The following ASGR1 variants were observed in gnomAD, a reference collection of about 807,000 sequenced individuals.
The protein encoded by ASGR1 is C-type lectin domain family 4 member H1.
In ASGR1, 35 loss-of-function variants were observed where a neutral mutation model predicts 33.1. That is an observed-to-expected ratio of 1.06 (90% CI 0.81 to 1.40). The LOEUF (loss-of-function observed/expected upper bound fraction) is 1.40, where lower values mean the gene tolerates loss of function less well. Among genes scored for constraint, ASGR1 ranks in the 40% most tolerant of loss-of-function variants. The pLI, the probability that ASGR1 is intolerant of heterozygous loss-of-function variation, is 0.00. For missense variants in ASGR1, 396 were observed against 373.7 expected (o/e 1.06, Z -0.49); for synonymous variants, 142 against 152.5 (o/e 0.93, Z 0.51).
intron 5 of ASGR1, among the ~76,000 whole-genome samples, chr17:7,175,543 GCA>G (rs1447378276): frequency 6.7e-6 from 1 of 150,362 alleles, no homozygotes; most frequent in Non-Finnish European, 1.5e-5. Flanking sequence ...CACACACAAT[GCA>G]CATTCACACA....
chr17:7,178,617 G>A, intron 1 of ASGR1, 29 bp from the exon 2 acceptor site: 1 of 1,545,744 alleles, frequency 6.5e-7, no homozygotes, highest in Non-Finnish European at 8.9e-7. Flanking sequence ...TGGGGCTGAG[G>A]TGGGGGCTCA....
intron 5 of ASGR1, chr17:7,176,527 C>CCACA (rs57702147): frequency 0.31 from 128,985 of 413,480 alleles, 20,441 homozygotes; most frequent in East Asian, 0.45. Flanking sequence ...CCTCTCATTC[C>CCACA]CACACACACA....
rs769285748 is a variant in ASGR1, at chr17:7,174,228, G to T, written c.504C>A (p.Phe168Leu). The T allele has an allele frequency of 3.1e-6, 5 of 1,614,104 alleles. No individual in the cohort carries two copies. The Admixed American group carries it at 6.7e-5, about 22-fold the overall frequency. ...CAGCCCAGGCCTTCCCGGAGCGAGAGAACCAGTAGCAGCTGCGCTCGTGCT... is the reference window on the plus strand; with the variant it reads ...CAGCCCAGGCCTTCCCGGAGCGAGATAACCAGTAGCAGCTGCGCTCGTGCT... ...WVEHERSCYWFSRSGKAWADA... is the reference protein window; with the variant it reads ...WVEHERSCYWLSRSGKAWADA... Residue 168 changes from phenylalanine (F) to leucine (L), a missense_variant, in exon 7 of 9, where the codon TTC (phenylalanine) becomes TTA (leucine). Phe to Leu is a conservative substitution (Grantham distance 22). Coordinates refer to ENST00000269299, the MANE Select transcript of ASGR1 (RefSeq NM_001671.5).
intron 5 of ASGR1, among the ~76,000 whole-genome samples, chr17:7,176,413 ACAGACACACTCCGTCATTCTCACACT>A (rs2069209348): frequency 6.9e-6 from 1 of 145,968 alleles, no homozygotes; most frequent in African/African-American, 2.6e-5. Context: ...TATCACACTC[ACAGACACACTCCGTCATTCTCACACT>A]CTCACACACA....
At chr17:7,174,664 TCACACAGA>T (rs2069174119) in intron 5 of ASGR1, among the ~76,000 whole-genome samples, 1 of 108,704 alleles carries the variant, frequency 9.2e-6, no homozygotes, top group African/African-American at 3.6e-5. Flanking sequence ...ACACACACAC[TCACACAGA>T]CACACAACAC....
At chr17:7,176,469 A>T in intron 5 of ASGR1, 1 of 372,324 alleles carries the variant, frequency 2.7e-6, no homozygotes, top group Non-Finnish European at 4.9e-6. Context: ...ATTCCCACAG[A>T]CTGTCTCACA....
At chr17:7,175,518 ACT>A (rs539820590) in intron 5 of ASGR1, among the ~76,000 whole-genome samples, 181 of 150,998 alleles carry the variant, frequency 1.2e-3, no homozygotes, top group African/African-American at 4.1e-3. Context: ...ACACACATAT[ACT>A]CTTTCACACA....
At chr17:7,176,178 TTC>T (rs1314466175) in intron 5 of ASGR1, among the ~76,000 whole-genome samples, 2 of 130,732 alleles carry the variant, frequency 1.5e-5, no homozygotes, top group Non-Finnish European at 3.2e-5. Context: ...CCCCATCTCA[TTC>T]TCACACTCAC....
rs763904346 is a variant in ASGR1, at chr17:7,173,846, C to A, written c.702-13G>T. On this transcript the variant is annotated splice_polypyrimidine_tract_variant and intron_variant, in intron 8 of 8. Transcript: ENST00000269299. This position sits in a 1 kb window ranked among gnomAD's most constrained non-coding sequence, Gnocchi z 4.7. ...CGGCCTCCAGTTCCTGGGGACAGAG[C>A]CAGCTGTGGGCCCCAGGAGGTCGGA... The A allele has an allele frequency of 6.2e-7, 1 of 1,608,262 alleles. No homozygotes were observed. Among genetic ancestry groups the A allele is most frequent in the Non-Finnish European group, 8.5e-7 (1 of 1,178,102 alleles).
In ASGR1 at chr17:7,173,437, T is replaced by C. The variant is rs1695995712; in HGVS notation, c.*222A>G. The stretch of plus-strand genomic sequence containing the variant: ...CCAGACAACTAACAGAAGGTTTAGG[T>C]ATATTTCTTTTTACTCTTAAAAAAA... On this transcript the variant is annotated 3_prime_UTR_variant, in exon 9 of 9. Coordinates refer to ENST00000269299, the MANE Select transcript of ASGR1 (RefSeq NM_001671.5). This position sits in a 1 kb window ranked among gnomAD's most constrained non-coding sequence, Gnocchi z 4.7. 1 of 571,578 alleles carries C rather than the reference T, an allele frequency of 1.7e-6. No homozygotes were observed. The highest frequency in any genetic ancestry group is 3.4e-5 in the Admixed American group (1 of 29,154). The allele number at this position is 571,578 out of a possible 1,614,324, so 35.4% of individuals were successfully genotyped here.
At position 7,173,937 on chromosome 17, in the gene ASGR1, G is replaced by A. The variant is rs1192533559; in HGVS notation, c.701+24C>T. ...CAGGGCGCGAAGGCGGCCGGACCCA[G>A]GCCGAGGGAGGGCGCGCACTCACTT... On this transcript the variant is annotated intron_variant, in intron 8 of 8. Transcript: ENST00000269299. The surrounding 1 kb of genome is among the most constrained non-coding windows in gnomAD (Gnocchi z 4.7). 1.2e-6 allele frequency: 2 copies of A among 1,613,652 alleles called. No individual in the cohort carries two copies. The highest frequency in any genetic ancestry group is 1.7e-5 in the Admixed American group (1 of 60,002).
Position 7,176,007 on chromosome 17 carries a change from AAC to A in ASGR1, c.355+821_355+822del, listed in dbSNP as rs138826529. On this transcript the variant is annotated intron_variant, in intron 5 of 8. Transcript: ENST00000269299. ...ATACACTGACACATTCTCACACATAAACACAGACTCACACTCGTACACACACC... is the reference window on the plus strand; with the variant it reads ...ATACACTGACACATTCTCACACATAAACAGACTCACACTCGTACACACACC... Among the ~76,000 whole-genome samples, 1,055 of 142,500 alleles carry A rather than the reference AAC, an allele frequency of 7.4e-3. 5 individuals carry two copies. The highest frequency in any genetic ancestry group is 0.03 in the Middle Eastern group (7 of 234). 93.5% of individuals were successfully genotyped at this position (142,500 alleles called of 152,430 possible). A position where few individuals can be genotyped will look rare whatever the true frequency, so the allele number is the denominator to read the frequency against.
At chr17:7,176,016 TCA>T (rs976600853) in intron 5 of ASGR1, among the ~76,000 whole-genome samples, 1 of 135,684 alleles carries the variant, frequency 7.4e-6, no homozygotes, top group African/African-American at 2.9e-5. Context: ...AAACACAGAC[TCA>T]CACTCGTACA....
rs1161122380 is a variant in ASGR1 at position 7,176,908 on chromosome 17, G to C, written c.284-7C>G. On this transcript the variant is annotated splice_polypyrimidine_tract_variant and splice_region_variant and intron_variant, in intron 4 of 8. Coordinates refer to ENST00000269299, the MANE Select transcript of ASGR1 (RefSeq NM_001671.5). ...TTTCTTCCCACATTGCCTCCTGCGG[G>C]AGAGGCTCGCTCAGCGTTCCCGACA... is the stretch of plus-strand genomic sequence containing the variant. 1 of 1,612,250 alleles carries C rather than the reference G, an allele frequency of 6.2e-7. No homozygotes were observed. The highest frequency in any genetic ancestry group is 8.5e-7 in the Non-Finnish European group (1 of 1,179,918).
chr17:7,175,923 C>A (rs1567793168), intron 5 of ASGR1, among the ~76,000 whole-genome samples: 4 of 139,196 alleles, frequency 2.9e-5, no homozygotes, highest in Non-Finnish European at 4.6e-5. Flanking sequence ...AGACACAATC[C>A]CTCTCATTCC....
chr17:7,174,865 A>C lies in ASGR1; in HGVS notation c.356-405T>G, dbSNP rs1313660625. On this transcript the variant is annotated intron_variant, in intron 5 of 8. Coordinates refer to ENST00000269299, the MANE Select transcript of ASGR1 (RefSeq NM_001671.5). ...CCCACATACATCCACAACACACACAACACACATAACCCACATACAGACAAC... is the reference window on the plus strand; with the variant it reads ...CCCACATACATCCACAACACACACACCACACATAACCCACATACAGACAAC... Among the ~76,000 whole-genome samples, 6 of 150,400 alleles carry C rather than the reference A, an allele frequency of 4.0e-5. No individual in the cohort carries two copies. The East Asian group carries it at 1.2e-3, about 29-fold the overall frequency.
intron 5 of ASGR1, chr17:7,176,483 ACT>A (rs771703520): frequency 1.0e-4 from 41 of 404,516 alleles, no homozygotes; most frequent in East Asian, 4.5e-4. Flanking sequence ...TCTCACACAC[ACT>A]CTATCTCATT....
intron 1 of ASGR1, chr17:7,178,833 T>C (rs1597425582): frequency 3.2e-6 from 1 of 308,344 alleles, no homozygotes. Context: ...GCCTCCCGGG[T>C]TCAAGCGGTT....
chr17:7,176,814 ACACT>A lies in ASGR1; in HGVS notation c.355+12_355+15del. 1.2e-6 allele frequency: 2 copies of A among 1,609,894 alleles called. No individual in the cohort carries two copies. Among genetic ancestry groups the A allele is most frequent in the Middle Eastern group, 1.7e-4 (1 of 6,042 alleles). On this transcript the variant is annotated intron_variant, in intron 5 of 8. Transcript: ENST00000269299. ...CTTTCACACACACACACACACACACACACTCCCTCTCTGACCTTCACTCAGGTCC... is the reference window on the plus strand; with the variant it reads ...CTTTCACACACACACACACACACACACCCTCTCTGACCTTCACTCAGGTCC...
Sources: gnomAD v4.1 joint callset for allele counts (sites outside exome capture counted in the v4.1 genomes callset) on GRCh38, gnomAD v4.1.1 for gene constraint, Gnocchi (gnomAD v3.1) non-coding constraint, MANE v1.5 for transcripts, NCBI Gene and HGNC (gene_info 2026-07-23, HGNC 2026-07-21) for gene names.